The following ZNF600 variants were observed in gnomAD, a reference collection of about 807,000 sequenced individuals.
ZNF600 encodes the protein zinc finger protein 600.
In ZNF600, 4 loss-of-function variants were observed where a neutral mutation model predicts 7.3. That is an observed-to-expected ratio of 0.55 (90% CI 0.27 to 1.25). The LOEUF (loss-of-function observed/expected upper bound fraction) is 1.25. Among genes scored for constraint, ZNF600 ranks in the 50% most tolerant of loss-of-function variants. The pLI, the probability that ZNF600 is intolerant of heterozygous loss-of-function variation, is 0.12. For missense variants in ZNF600, 911 were observed against 922.1 expected (o/e 0.99, Z 0.16); for synonymous variants, 290 against 308.9 (o/e 0.94, Z 0.64).
chr19:52,781,856 C>T (rs916616819), intron 1 of ZNF600, among the ~76,000 whole-genome samples: 11 of 151,838 alleles, frequency 7.2e-5, no homozygotes, highest in African/African-American at 2.7e-4. Context: ...AGGCCAGGAG[C>T]TCGAGACCAA....
At chr19:52,786,367 C>T (rs981079729) in intron 1 of ZNF600, among the ~76,000 whole-genome samples, 2 of 152,026 alleles carry the variant, frequency 1.3e-5, no homozygotes, top group African/African-American at 4.8e-5. Flanking sequence ...GCCGGGGCGC[C>T]GCGCTCCAGG....
the ZNF600 span, among the ~76,000 whole-genome samples, chr19:52,793,764 C>CCACACACACACA: frequency 7.2e-6 from 1 of 138,730 alleles, no homozygotes; most frequent in Non-Finnish European, 1.6e-5. Context: ...CCAAACTCTG[C>CCACACACACACA]CACACACACA....
rs754671177 is a variant in ZNF600 at position 52,766,053 on chromosome 19, G to T, written c.1910C>A (p.Ser637Tyr). The T allele has an allele frequency of 9.9e-6, 16 of 1,613,756 alleles. 1 individual carries two copies. The highest frequency in any genetic ancestry group is 1.2e-5 in the Non-Finnish European group (14 of 1,179,990). ...ATGAAGTCTACGATGGTGAACAAGG[G>T]ATGGCTTGTGACTGAAGGTCTTGCC... The change falls in exon 4 of 4, where the codon TCC (serine) becomes TAC (tyrosine). Residue 637 changes from serine to tyrosine, a missense_variant. Ser to Tyr is a moderately radical substitution (Grantham distance 144). Transcript: ENST00000648973.
the ZNF600 span, among the ~76,000 whole-genome samples, chr19:52,806,723 G>A: frequency 6.6e-6 from 1 of 151,840 alleles, no homozygotes; most frequent in African/African-American, 2.4e-5. Context: ...CCAACATGGT[G>A]AAACACTGTC....
intron 1 of ZNF600, among the ~76,000 whole-genome samples, chr19:52,783,850 G>T (rs554861404): frequency 5.9e-5 from 9 of 151,934 alleles, no homozygotes; most frequent in African/African-American, 2.2e-4. Flanking sequence ...AAGTCCAATG[G>T]TGCGATCTCA....
chr19:52,810,380 TTCAG>T, the ZNF600 span: 2 of 1,604,890 alleles, frequency 1.2e-6, no homozygotes, highest in Admixed American at 1.7e-5. Context: ...ATGGCTGTGG[TTCAG>T]TCAACCACGT....
intron 3 of ZNF600, among the ~76,000 whole-genome samples, chr19:52,768,517 CA>C (rs2062607139): frequency 6.6e-6 from 1 of 151,528 alleles, no homozygotes. Flanking sequence ...TATATCCACA[CA>C]GGACAGGCAC....
At chr19:52,777,727 G>A (rs2062687628) in intron 2 of ZNF600, among the ~76,000 whole-genome samples, 1 of 152,114 alleles carries the variant, frequency 6.6e-6, no homozygotes, top group Non-Finnish European at 1.5e-5. Flanking sequence ...AACTCAGGAG[G>A]CTGAGGCAGA....
chr19:52,774,590 T>A (rs1199272791), exon 3 of ZNF600: 1 of 985,130 alleles, frequency 1.0e-6, no homozygotes, highest in Admixed American at 6.2e-5. Flanking sequence ...GCTTCCAGGT[T>A]CCTGTAGTTC....
upstream of ZNF600, among the ~76,000 whole-genome samples, chr19:52,787,423 TTG>T (rs1452566586): frequency 3.2e-4 from 46 of 144,254 alleles, no homozygotes; most frequent in African/African-American, 1.1e-3. Flanking sequence ...TTTTTTTTTT[TTG>T]AGACGGAGTC....
At chr19:52,799,554 C>T in the ZNF600 span, 32 of 1,472,706 alleles carry the variant, frequency 2.2e-5, no homozygotes, top group Non-Finnish European at 2.9e-5. Flanking sequence ...GGCTTTGTGA[C>T]TTACAAGGGT....
At chr19:52,827,525 A>AGGGC in the ZNF600 span, among the ~76,000 whole-genome samples, 1 of 151,638 alleles carries the variant, frequency 6.6e-6, no homozygotes, top group African/African-American at 2.4e-5. Flanking sequence ...TCCCAAGACC[A>AGGGC]TGCCCAGTGC....
At chr19:52,785,776 G>A (rs181773288) in intron 1 of ZNF600, among the ~76,000 whole-genome samples, 172 of 152,132 alleles carry the variant, frequency 1.1e-3, no homozygotes, top group Non-Finnish European at 2.1e-3. Flanking sequence ...TGCTCTGTCT[G>A]CCCTGGCTCC....
the ZNF600 span, among the ~76,000 whole-genome samples, chr19:52,804,775 G>A: frequency 6.6e-6 from 1 of 152,178 alleles, no homozygotes; most frequent in Non-Finnish European, 1.5e-5. Flanking sequence ...AAAGTGCTGG[G>A]ATTAGAAAAG....
chr19:52,772,714 G>A (rs1026516742), intron 3 of ZNF600, among the ~76,000 whole-genome samples: 5 of 152,152 alleles, frequency 3.3e-5, no homozygotes, highest in African/African-American at 9.7e-5. Context: ...CAGTTTGCAC[G>A]TACGGTAAGT....
At chr19:52,776,496 C>G (rs906487419) in intron 2 of ZNF600, among the ~76,000 whole-genome samples, 2 of 151,800 alleles carry the variant, frequency 1.3e-5, no homozygotes, top group African/African-American at 2.4e-5. Flanking sequence ...ACTGCAACCT[C>G]GGCCACCCAG....
the ZNF600 span, among the ~76,000 whole-genome samples, chr19:52,818,581 G>A: frequency 3.3e-5 from 5 of 152,054 alleles, no homozygotes; most frequent in Admixed American, 6.6e-5. Context: ...GGCTTGATGC[G>A]CATCTGTAAT....
upstream of ZNF600, chr19:52,786,939 GA>G (rs376748304): frequency 1.2e-5 from 2 of 164,060 alleles, no homozygotes; most frequent in African/African-American, 4.7e-5. Context: ...TCTGTTTTTC[GA>G]GTTTTTGGAG....
intron 3 of ZNF600, among the ~76,000 whole-genome samples, chr19:52,773,963 C>T (rs2062651361): frequency 6.6e-6 from 1 of 151,780 alleles, no homozygotes; most frequent in Non-Finnish European, 1.5e-5. Flanking sequence ...GGTGATTCAC[C>T]CACCTCAGCC....
Sources: gnomAD v4.1 joint callset for allele counts (sites outside exome capture counted in the v4.1 genomes callset) on GRCh38, gnomAD v4.1.1 for gene constraint, MANE v1.5 for transcripts, NCBI Gene and HGNC (gene_info 2026-07-23, HGNC 2026-07-21) for gene names.